PEAK1: variants seen among roughly 807,000 people sequenced by gnomAD.
The protein encoded by PEAK1 is inactive tyrosine-protein kinase PEAK1.
PEAK1 carries 54 observed loss-of-function variants against 124.7 expected under a neutral mutation model. The ratio of observed to expected loss-of-function variants is 0.43; its 90% CI spans 0.35 to 0.54. The LOEUF (loss-of-function observed/expected upper bound fraction) is 0.54, where lower values mean the gene tolerates loss of function less well. Among genes scored for constraint, PEAK1 ranks in the 20% least tolerant of loss-of-function variants. The probability of loss-of-function intolerance (pLI) is 0.01; values close to 1 mark genes in which losing one functional copy is unlikely to be tolerated. For synonymous variants in PEAK1, 719 were observed against 760.0 expected, an observed-to-expected ratio of 0.95 and a Z score of 0.89; for missense variants, 2,046 against 2,134.5, an observed-to-expected ratio of 0.96 and a Z score of 0.82.
At chr15:77,420,859 A>G (rs1243823810), upstream of PEAK1, 3 of 398,668 alleles carry the variant, frequency 7.5e-6, no homozygotes, top group Non-Finnish European at 8.8e-6. Context: ...AGGACACCAA[A>G]ATAAAGTGCT....
intron 1 of PEAK1, among the ~76,000 whole-genome samples, chr15:77,414,867 A>G (rs1335584676): frequency 6.6e-6 from 1 of 152,220 alleles, no homozygotes; most frequent in Non-Finnish European, 1.5e-5. Context: ...TCACCTCCTT[A>G]CAGGCTTCCA....
chr15:77,178,529 T>C (rs1383374795), intron 7 of PEAK1: 1 of 469,054 alleles, frequency 2.1e-6, no homozygotes, highest in Non-Finnish European at 3.7e-6. Context: ...GATTTGCTTT[T>C]CTATGCTAAA....
At chr15:77,283,831 G>A (rs1016561270) in intron 5 of PEAK1, 52 bp downstream of exon 5, 1 of 902,966 alleles carries the variant, frequency 1.1e-6, no homozygotes, top group Admixed American at 6.2e-5. Flanking sequence ...AGGAATAAAT[G>A]AAAACCAAAA....
At chr15:77,382,763 T>C (rs1348418025) in intron 1 of PEAK1, among the ~76,000 whole-genome samples, 1 of 152,196 alleles carries the variant, frequency 6.6e-6, no homozygotes, top group Non-Finnish European at 1.5e-5. Context: ...GACAGTTTTA[T>C]GCACATTTGG....
chr15:77,133,414 C>T lies in PEAK1; in HGVS notation c.3668G>A (p.Arg1223His), dbSNP rs199818872. The T allele has an allele frequency of 3.8e-5, 61 of 1,614,052 alleles. No individual in the cohort carries two copies. In the East Asian group the frequency reaches 4.2e-4, roughly 11 times the overall value. The change falls in exon 9 of 10, where the codon CGC becomes CAC. Residue 1223 changes from arginine (R) to histidine (H), a missense_variant. By Grantham distance (29) the Arg-to-His change is conservative. Coordinates refer to ENST00000682557, the MANE Select transcript of PEAK1 (RefSeq NM_001385026.1). The surrounding 1 kb of genome is among the most constrained non-coding windows in gnomAD (Gnocchi z 4.2). ...TGCTGAGGGGACAGGTCTCTCCTTG[C>T]GCAAAGGCCTTTCCAAGGAGTCATA... Reference protein sequence around the residue: ...ESYDSLERPLRKERPVPSAAN... With the variant: ...ESYDSLERPLHKERPVPSAAN...
intron 6 of PEAK1, among the ~76,000 whole-genome samples, chr15:77,200,717 C>T (rs2058322282): frequency 6.6e-6 from 1 of 152,092 alleles, no homozygotes; most frequent in Admixed American, 6.5e-5. Flanking sequence ...CATTTCAGAA[C>T]TACTGACAAC....
rs774020555 is a variant in PEAK1 at position 77,308,265 on chromosome 15, T to G, written c.-602-21761A>C. 3.3e-5 allele frequency among the ~76,000 whole-genome samples: 5 copies of G among 152,118 alleles called. No individual in the cohort carries two copies. The South Asian group carries it at 6.2e-4, about 19-fold the overall frequency. On this transcript the variant is annotated intron_variant, in intron 2 of 9. Transcript: ENST00000682557. ...CTGAGCTTCCTTCCATGTCTTCATT[T>G]GTAAAACTGGAATCAACTTAGTTTA...
chr15:77,309,023 A>G (rs1433114083), intron 2 of PEAK1, among the ~76,000 whole-genome samples: 3 of 152,128 alleles, frequency 2.0e-5, no homozygotes, highest in African/African-American at 7.2e-5. Flanking sequence ...AACCACAAAC[A>G]TCAGGTAAAA....
chr15:77,366,815 G>A (rs112942690), intron 1 of PEAK1, among the ~76,000 whole-genome samples: 41,347 of 152,076 alleles, frequency 0.27, 6,657 homozygotes, highest in Middle Eastern at 0.37. Flanking sequence ...ACATGCCTCA[G>A]CCTCCCAAAG....
intron 6 of PEAK1, among the ~76,000 whole-genome samples, chr15:77,188,730 T>A (rs2057674880): frequency 6.6e-6 from 1 of 152,144 alleles, no homozygotes; most frequent in Non-Finnish European, 1.5e-5. Context: ...CCTAACTCGA[T>A]TATACCACAT....
intron 7 of PEAK1, among the ~76,000 whole-genome samples, chr15:77,162,493 CAAAAAAAAAAAAA>C (rs71143393): frequency 2.8e-5 from 2 of 70,456 alleles, no homozygotes; most frequent in African/African-American, 7.2e-5. Flanking sequence ...GACTCCATCT[CAAAAAAAAAAAAA>C]AAAAAAAAAA....
At chr15:77,319,700 A>G (rs992537271) in intron 2 of PEAK1, among the ~76,000 whole-genome samples, 4 of 152,166 alleles carry the variant, frequency 2.6e-5, no homozygotes, top group African/African-American at 9.7e-5. Flanking sequence ...AATGTGGACC[A>G]CTGTTTTCTA....
chr15:77,114,472 G>A lies in PEAK1; in HGVS notation c.4925C>T (p.Ala1642Val). 6.2e-7 allele frequency: 1 copy of A among 1,614,056 alleles called. No individual in the cohort carries two copies. The highest frequency in any genetic ancestry group is 8.5e-7 in the Non-Finnish European group (1 of 1,179,978). ...AGGGTTGGGATTCAGGAGGCAGCTG[G>A]CCAGCTGCTGCAGACCCCGGGAGTA... ...SPYSRGLQQL[A>V]SCLLNPNPSE... The change falls in exon 10 of 10, where the codon GCC becomes GTC. Residue 1642 changes from alanine (A) to valine (V), a missense_variant. Transcript: ENST00000682557.
intron 6 of PEAK1, among the ~76,000 whole-genome samples, chr15:77,198,510 A>G (rs1218111948): frequency 6.6e-6 from 1 of 152,218 alleles, no homozygotes; most frequent in African/African-American, 2.4e-5. Context: ...TTGCAAGATA[A>G]ATGAATCTAG....
intron 1 of PEAK1, among the ~76,000 whole-genome samples, chr15:77,410,976 G>T (rs753450635): frequency 1.3e-5 from 2 of 152,060 alleles, no homozygotes; most frequent in African/African-American, 4.8e-5. Context: ...GGCAATGAAA[G>T]CCTACCTATT....
At chr15:77,389,101 C>CTG (rs2070227254) in intron 1 of PEAK1, among the ~76,000 whole-genome samples, 1 of 151,712 alleles carries the variant, frequency 6.6e-6, no homozygotes, top group Admixed American at 6.6e-5. Context: ...GGACTACAGA[C>CTG]ATGCACCAAC....
At chr15:77,252,982 G>A (rs913744930) in intron 5 of PEAK1, among the ~76,000 whole-genome samples, 2 of 152,086 alleles carry the variant, frequency 1.3e-5, no homozygotes, top group East Asian at 1.9e-4. Context: ...TGCAGTTTTA[G>A]TTTAGGCTCA....
intron 6 of PEAK1, among the ~76,000 whole-genome samples, chr15:77,227,163 T>C (rs1035728516): frequency 6.6e-6 from 1 of 152,216 alleles, no homozygotes. Context: ...GAACTTGTAT[T>C]TATTACTAGA....
intron 1 of PEAK1, chr15:77,403,145 T>C (rs1299000890): frequency 3.0e-6 from 3 of 985,236 alleles, no homozygotes; most frequent in Non-Finnish European, 2.4e-6. Context: ...TATTACAGGA[T>C]TTAAAATACT....
Sources: allele counts gnomAD v4.1 joint callset (sites outside exome capture counted in the v4.1 genomes callset), GRCh38; gene constraint gnomAD v4.1.1; non-coding constraint Gnocchi (gnomAD v3.1); transcripts MANE v1.5; gene names NCBI Gene and HGNC (gene_info 2026-07-23, HGNC 2026-07-21).